Variants in XKR4 observed in about 807,000 individuals in gnomAD.
XKR4 encodes the protein XK related 4.
XKR4 carries 12 observed loss-of-function variants against 53.9 expected under a neutral mutation model. The ratio of observed to expected loss-of-function variants is 0.22; its 90% confidence interval spans 0.14 to 0.36. The LOEUF (loss-of-function observed/expected upper bound fraction) is 0.36, where lower values mean the gene tolerates loss of function less well. XKR4 is among the 10% of genes least tolerant of loss of function. The pLI, the probability that XKR4 is intolerant of heterozygous loss-of-function variation, is 1.00. For missense variants in XKR4, 799 were observed against 859.5 expected, an observed-to-expected ratio of 0.93 and a Z score of 0.88; for synonymous variants, 354 against 362.4, an observed-to-expected ratio of 0.98 and a Z score of 0.26.
At chr8:55,207,635 C>T (rs200454120) in intron 1 of XKR4, among the ~76,000 whole-genome samples, 117 of 3,746 alleles carry the variant, frequency 0.031, no homozygotes, top group African/African-American at 0.08. Flanking sequence ...CACATGCGCG[C>T]GCACACACAC....
At chr8:55,475,598 A>G (rs933423410) in intron 2 of XKR4, among the ~76,000 whole-genome samples, 1 of 125,682 alleles carries the variant, frequency 8.0e-6, no homozygotes, top group Non-Finnish European at 1.6e-5. Context: ...TTATTTATTT[A>G]TTTATTTATT....
chr8:55,202,594 G>A (rs1817589977), intron 1 of XKR4, among the ~76,000 whole-genome samples: 1 of 152,174 alleles, frequency 6.6e-6, no homozygotes, highest in Non-Finnish European at 1.5e-5. Flanking sequence ...TGGAAATGAT[G>A]ACCAGCACTT....
chr8:55,440,939 C>T (rs1426811310), intron 2 of XKR4, among the ~76,000 whole-genome samples: 1 of 151,878 alleles, frequency 6.6e-6, no homozygotes, highest in East Asian at 1.9e-4. Flanking sequence ...CACAGCTAGT[C>T]ACGGTGGCTC....
In XKR4 at chr8:55,528,872, C is replaced by CTATCCCCCA. The variant is rs1298383580; in HGVS notation, c.*4647_*4655dup. 6.6e-6 allele frequency: 1 copy of CTATCCCCCA among 151,996 alleles called. No homozygotes were observed. Among genetic ancestry groups the CTATCCCCCA allele is most frequent in the East Asian group, 1.9e-4 (1 of 5,188 alleles). The allele number at this position is 151,996 out of a possible 1,614,324, so 9.4% of individuals were successfully genotyped here. On this transcript the variant is annotated 3_prime_UTR_variant, in exon 3 of 3. Transcript: ENST00000327381. ...ATGGCCAAGGATGGGCGATTCCGCT[C>CTATCCCCCA]TATCCCCCATTTCTGAGACTCTTGT...
chr8:55,432,891 T>C (rs1805122357), intron 2 of XKR4, among the ~76,000 whole-genome samples: 1 of 152,168 alleles, frequency 6.6e-6, no homozygotes, highest in Non-Finnish European at 1.5e-5. Context: ...TGTGGGGCCT[T>C]CTGTGGCCAC....
At chr8:55,485,698 C>G (rs1210639922) in intron 2 of XKR4, among the ~76,000 whole-genome samples, 2 of 152,100 alleles carry the variant, frequency 1.3e-5, no homozygotes, top group Non-Finnish European at 2.9e-5. Flanking sequence ...CGTACCCGGC[C>G]TAAGTGTTTC....
chr8:55,440,812 T>C (rs1805253055), intron 2 of XKR4, among the ~76,000 whole-genome samples: 1 of 152,046 alleles, frequency 6.6e-6, no homozygotes, highest in African/African-American at 2.4e-5. Context: ...ACAATAACAA[T>C]AATAATGATC....
rs890434512 is a variant in XKR4, at chr8:55,165,150, A to G, written c.806+61856A>G. On this transcript the variant is annotated intron_variant, in intron 1 of 2. Coordinates refer to ENST00000327381, the MANE Select transcript of XKR4 (RefSeq NM_052898.2). ...ATAGTTCCTTTTTGAATGCAGAGAC[A>G]AAGTTAACTCAACTGGTCTTTACTG... Among the ~76,000 whole-genome samples, 15 of 152,320 alleles carry G rather than the reference A, an allele frequency of 9.8e-5. 1 individual carries two copies. Among genetic ancestry groups the G allele is most frequent in the Admixed American group, 8.5e-4 (13 of 15,290 alleles).
intron 2 of XKR4, among the ~76,000 whole-genome samples, chr8:55,504,335 C>T (rs1056169539): frequency 6.6e-6 from 1 of 151,880 alleles, no homozygotes. Flanking sequence ...GTCTCAGCCT[C>T]CCAAGTAGCT....
chr8:55,241,022 C>T (rs1189815353), intron 1 of XKR4, among the ~76,000 whole-genome samples: 2 of 152,238 alleles, frequency 1.3e-5, no homozygotes, highest in Non-Finnish European at 2.9e-5. Flanking sequence ...CAGGGCCAAG[C>T]AGCCTGTCTA....
Position 55,418,727 on chromosome 8 carries a change from G to C in XKR4, c.1006+60850G>C, listed in dbSNP as rs76116776. On this transcript the variant is annotated intron_variant, in intron 2 of 2. Coordinates refer to ENST00000327381, the MANE Select transcript of XKR4 (RefSeq NM_052898.2). ...CCCTCCATGACCCACCATTCAGTGA[G>C]GCACAGGCTCAGTGATAGCGGCTGT... Among the ~76,000 whole-genome samples the C allele has an allele frequency of 7.7e-4, 117 of 152,294 alleles. 1 individual carries two copies. Among genetic ancestry groups the C allele is most frequent in the African/African-American group, 2.6e-3 (107 of 41,576 alleles).
At chr8:55,245,369 A>G (rs1818271237) in intron 1 of XKR4, among the ~76,000 whole-genome samples, 1 of 152,030 alleles carries the variant, frequency 6.6e-6, no homozygotes, top group African/African-American at 2.4e-5. Context: ...GCTCATTCAT[A>G]TTCTTTTTGT....
intron 2 of XKR4, among the ~76,000 whole-genome samples, chr8:55,512,219 C>T (rs1035576761): frequency 2.0e-5 from 3 of 152,216 alleles, no homozygotes; most frequent in Admixed American, 6.5e-5. Context: ...AGATAACTCC[C>T]GCCTCTGTCT....
At chr8:55,228,634 A>C (rs1817989959) in intron 1 of XKR4, among the ~76,000 whole-genome samples, 1 of 152,212 alleles carries the variant, frequency 6.6e-6, no homozygotes, top group African/African-American at 2.4e-5. Context: ...GAAATCACTT[A>C]AAACATGTAG....
chr8:55,527,896 G>A lies in XKR4; in HGVS notation c.*3669G>A, dbSNP rs992994756. The A allele has an allele frequency of 2.0e-5, 3 of 152,168 alleles. No individual in the cohort carries two copies. The highest frequency in any genetic ancestry group is 4.4e-5 in the Non-Finnish European group (3 of 68,012). 9.4% of individuals were successfully genotyped at this position (152,168 alleles called of 1,614,324 possible). ...TTGCACAGAACAATTAAAAGTGAATGAGAATAGTTGAAAACTCAATGGCTG... is the reference window on the plus strand; with the variant it reads ...TTGCACAGAACAATTAAAAGTGAATAAGAATAGTTGAAAACTCAATGGCTG... On this transcript the variant is annotated 3_prime_UTR_variant, in exon 3 of 3. Transcript: ENST00000327381.
intron 1 of XKR4, among the ~76,000 whole-genome samples, chr8:55,141,671 CTGTGTGTGTGTG>C (rs370296200): frequency 7.4e-5 from 10 of 135,156 alleles, no homozygotes; most frequent in African/African-American, 1.3e-4. Flanking sequence ...CTCTCTCTCT[CTGTGTGTGTGTG>C]TGTGTGTCTC....
chr8:55,482,748 G>A (rs1260726168), intron 2 of XKR4, among the ~76,000 whole-genome samples: 1 of 152,036 alleles, frequency 6.6e-6, no homozygotes, highest in South Asian at 2.1e-4. Context: ...AAATGGAATT[G>A]TTTGCATGAA....
At chr8:55,299,651 ATGT>A (rs567723527) in intron 1 of XKR4, among the ~76,000 whole-genome samples, 275 of 151,954 alleles carry the variant, frequency 1.8e-3, no homozygotes, top group African/African-American at 6.3e-3. Context: ...ATTGGGATAA[ATGT>A]TGTAGAAAAT....
rs149380877 is a variant in XKR4, at chr8:55,372,063, G to A, written c.1006+14186G>A. On this transcript the variant is annotated intron_variant, in intron 2 of 2. Transcript: ENST00000327381. Reference sequence around the variant, plus strand: ...CATGTTCAGGCACAGGGAGAGGAGCGGGGTCATGGATGTGGTGGACAGTGT... The same window carrying A: ...CATGTTCAGGCACAGGGAGAGGAGCAGGGTCATGGATGTGGTGGACAGTGT... Among the ~76,000 whole-genome samples the A allele has an allele frequency of 3.9e-4, 60 of 152,302 alleles. No individual in the cohort carries two copies. In the East Asian group the frequency reaches 0.011, roughly 28 times the overall value.
Sources: allele counts gnomAD v4.1 joint callset (sites outside exome capture counted in the v4.1 genomes callset), GRCh38; gene constraint gnomAD v4.1.1; transcripts MANE v1.5; gene names NCBI Gene and HGNC (gene_info 2026-07-23, HGNC 2026-07-21).